The following E2F2 variants were observed in gnomAD, a reference collection of about 807,000 sequenced individuals.
E2F2 encodes transcription factor E2F2.
In E2F2, 22 loss-of-function variants were observed where a neutral mutation model predicts 42.2. That is an observed-to-expected ratio of 0.52 (90% CI 0.37 to 0.74). The LOEUF is 0.74. E2F2 is among the 30% of genes least tolerant of loss of function. The pLI, the probability that E2F2 is intolerant of heterozygous loss-of-function variation, is 0.00. For synonymous variants in E2F2, 248 were observed against 251.6 expected, an observed-to-expected ratio of 0.99 and a Z score of 0.13; for missense variants, 481 against 557.8, an observed-to-expected ratio of 0.86 and a Z score of 1.39.
At position 23,509,853 on chromosome 1, in the gene E2F2, C is replaced by A. The variant is rs897646821; in HGVS notation, c.*27G>T. On this transcript the variant is annotated 3_prime_UTR_variant, in exon 7 of 7. Transcript: ENST00000361729. ...GTCTGTGAGGAGGTAGAGTCGGGGG[C>A]AGGCTGCTGGGGGCAGGCAGGGCCA... The A allele has an allele frequency of 3.3e-6, 5 of 1,519,816 alleles. No homozygotes were observed. The African/African-American group carries it at 5.6e-5, about 17-fold the overall frequency. The allele number at this position is 1,519,816 out of a possible 1,614,324, so 94.1% of individuals were successfully genotyped here. A position where few individuals can be genotyped will look rare whatever the true frequency, so the allele number is the denominator to read the frequency against.
chr1:23,521,262 C>G (rs1462006296), intron 3 of E2F2, among the ~76,000 whole-genome samples, 191 bp from the exon 4 acceptor site: 1 of 152,188 alleles, frequency 6.6e-6, no homozygotes, highest in East Asian at 1.9e-4. Flanking sequence ...AAGTCAAGAC[C>G]TGAACCCCAT....
intron 2 of E2F2, among the ~76,000 whole-genome samples, chr1:23,524,089 C>CAAAAAAAAAAAAA (rs1320072066): frequency 3.4e-5 from 2 of 58,570 alleles, no homozygotes. Flanking sequence ...ACAACAACAA[C>CAAAAAAAAAAAAA]AACAACAACA....
chr1:23,518,043 C>T (rs1312949606), intron 5 of E2F2, among the ~76,000 whole-genome samples: 2 of 152,090 alleles, frequency 1.3e-5, no homozygotes, highest in Non-Finnish European at 2.9e-5. Context: ...TGGTGGCATG[C>T]ACCTGTGGTC....
At chr1:23,518,912 A>G in intron 5 of E2F2, 104 bp downstream of exon 5, 2 of 827,986 alleles carry the variant, frequency 2.4e-6, no homozygotes, top group Non-Finnish European at 3.7e-6. Flanking sequence ...TGGGCCTGCA[A>G]AGCATGGGGC....
In E2F2 at chr1:23,509,004, G is replaced by C. The variant is rs1288504787; in HGVS notation, c.*876C>G. 1 of 152,356 alleles carries C rather than the reference G, an allele frequency of 6.6e-6. No homozygotes were observed. The highest frequency in any genetic ancestry group is 1.5e-5 in the Non-Finnish European group (1 of 68,200). The allele number at this position is 152,356 out of a possible 1,614,324, so 9.4% of individuals were successfully genotyped here. On this transcript the variant is annotated 3_prime_UTR_variant, in exon 7 of 7. Transcript: ENST00000361729. ...CCACAGCCATGACAGCTGCCCCCAT[G>C]CTCCTGTCTGTTTTCCACGGGAGCT...
intron 2 of E2F2, among the ~76,000 whole-genome samples, chr1:23,524,100 ACAAC>A (rs1444108974): frequency 1.5e-4 from 22 of 146,204 alleles, no homozygotes; most frequent in African/African-American, 5.4e-4. Flanking sequence ...AACAACAACA[ACAAC>A]AAAAAAAAAC....
At chr1:23,513,561 C>CGTGTGTGTGTGT (rs1558237706) in intron 6 of E2F2, among the ~76,000 whole-genome samples, 18 of 116,038 alleles carry the variant, frequency 1.6e-4, no homozygotes, top group Admixed American at 4.7e-4. Context: ...CAGCACGGAA[C>CGTGTGTGTGTGT]ATGTGTGTGT....
At chr1:23,524,182 T>A (rs150256929) in intron 2 of E2F2, among the ~76,000 whole-genome samples, 19 of 151,912 alleles carry the variant, frequency 1.3e-4, no homozygotes, top group Non-Finnish European at 2.6e-4. Context: ...TATGGGCAAG[T>A]CACTCAAGCT....
Position 23,510,124 on chromosome 1 carries a change from T to G in E2F2, c.1070A>C (p.Gln357Pro), listed in dbSNP as rs1642881845. 2.5e-6 allele frequency: 4 copies of G among 1,602,198 alleles called. No homozygotes were observed. The highest frequency in any genetic ancestry group is 1.7e-5 in the Admixed American group (1 of 57,970). ...CAGGGATGGAGGCGGTGGGGCCTGC[T>G]GGGGGGTTGGCGCTGGTGCTGGCAC... is the stretch of plus-strand genomic sequence containing the variant. Reference protein sequence around the residue: ...SSVPAPAPTPQQAPPPPSLVP... With the variant: ...SSVPAPAPTPPQAPPPPSLVP... The change falls in exon 7 of 7, where the codon CAG (glutamine) becomes CCG (proline). Residue 357 changes from glutamine to proline, a missense_variant. Gln to Pro is a moderately conservative substitution (Grantham distance 76). Coordinates refer to ENST00000361729, the MANE Select transcript of E2F2 (RefSeq NM_004091.4).
chr1:23,524,114 C>A (rs1305765509), intron 2 of E2F2, among the ~76,000 whole-genome samples: 80 of 135,256 alleles, frequency 5.9e-4, no homozygotes, highest in South Asian at 1.4e-3. Flanking sequence ...CAAAAAAAAA[C>A]ACAGAAGTAA....
chr1:23,526,285 G>A (rs184208446), intron 1 of E2F2, among the ~76,000 whole-genome samples: 12 of 152,092 alleles, frequency 7.9e-5, no homozygotes, highest in African/African-American at 2.7e-4. Flanking sequence ...CCTGAACCAC[G>A]CCCCAACATT....
intron 1 of E2F2, among the ~76,000 whole-genome samples, chr1:23,527,443 C>T (rs989851324): frequency 6.6e-6 from 1 of 152,194 alleles, no homozygotes; most frequent in Non-Finnish European, 1.5e-5. Context: ...CTGGTCAGGA[C>T]GCAAGCCCAC....
In E2F2 at chr1:23,509,923, T is replaced by C. The variant is rs1243101378; in HGVS notation, c.1271A>G (p.Asp424Gly). 6.3e-7 allele frequency: 1 copy of C among 1,594,752 alleles called. No individual in the cohort carries two copies. The highest frequency in any genetic ancestry group is 1.3e-5 in the African/African-American group (1 of 74,400). Residue 424 changes from aspartate to glycine, a missense_variant, in exon 7 of 7, where the codon GAT (aspartate) becomes GGT (glycine). Coordinates refer to ENST00000361729, the MANE Select transcript of E2F2 (RefSeq NM_004091.4). ...CCCAAGGTCGTAGGAGTCGAAGAGA[T>C]CGCTGATGCCCTCACCCGCCTCCAA... ...WGLEAGEGIS[D>G]LFDSYDLGDL...
At chr1:23,523,412 C>T (rs1643190094) in intron 2 of E2F2, among the ~76,000 whole-genome samples, 1 of 152,182 alleles carries the variant, frequency 6.6e-6, no homozygotes, top group Non-Finnish European at 1.5e-5. Flanking sequence ...CCACCTTGGC[C>T]TCCCAAAGTG....
rs1642824177 is a variant in E2F2 at position 23,507,571 on chromosome 1, T to G, written c.*2309A>C. 6.6e-6 allele frequency: 1 copy of G among 152,236 alleles called. No individual in the cohort carries two copies. Among genetic ancestry groups the G allele is most frequent in the Non-Finnish European group, 1.5e-5 (1 of 68,190 alleles). The allele number at this position is 152,236 out of a possible 1,614,324, so 9.4% of individuals were successfully genotyped here. ...AGAAAATACCACTCAAAATGTGTCC[T>G]GAAGCACTCTGTGGAAGTCGGGAGG... On this transcript the variant is annotated 3_prime_UTR_variant, in exon 7 of 7. Coordinates refer to ENST00000361729, the MANE Select transcript of E2F2 (RefSeq NM_004091.4).
In E2F2 at chr1:23,507,180, C is replaced by T. The variant is rs570257858; in HGVS notation, c.*2700G>A. 6 of 152,164 alleles carry T rather than the reference C, an allele frequency of 3.9e-5. No homozygotes were observed. Among genetic ancestry groups the T allele is most frequent in the East Asian group, 1.9e-4 (1 of 5,164 alleles). The allele number at this position is 152,164 out of a possible 1,614,324, so 9.4% of individuals were successfully genotyped here. A position where few individuals can be genotyped will look rare whatever the true frequency, so the allele number is the denominator to read the frequency against. On this transcript the variant is annotated 3_prime_UTR_variant, in exon 7 of 7. Coordinates refer to ENST00000361729, the MANE Select transcript of E2F2 (RefSeq NM_004091.4). ...ATTATTTACCTCAGAAAGACACTGGCTTTTCTCTTACCCTCGTTTTAAAGT... is the reference window on the plus strand; with the variant it reads ...ATTATTTACCTCAGAAAGACACTGGTTTTTCTCTTACCCTCGTTTTAAAGT...
intron 6 of E2F2, among the ~76,000 whole-genome samples, chr1:23,512,618 T>C (rs1642932031): frequency 6.6e-6 from 1 of 152,126 alleles, no homozygotes; most frequent in African/African-American, 2.4e-5. Flanking sequence ...GGATGAGTAT[T>C]AGAAGCAGTA....
rs1456992029 is a variant in E2F2, at chr1:23,516,456, C to T, written c.924G>A (p.Gln308=). 3.7e-6 allele frequency: 6 copies of T among 1,610,164 alleles called. No individual in the cohort carries two copies. Among genetic ancestry groups the T allele is most frequent in the African/African-American group, 1.3e-5 (1 of 74,676 alleles). ...GCTCCTCGGAAGGACTGTCCGGCTC[C>T]TGCACCTCCTCTGGGCACAGGTAGA... is the stretch of plus-strand genomic sequence containing the variant. ...IEVYLCPEEV[Q]EPDSPSEEPL... is the part of the protein sequence containing the mutation. The change falls in exon 6 of 7, where the codon CAG becomes CAA. Residue 308 remains glutamine (Q), a synonymous_variant. Transcript: ENST00000361729.
intron 1 of E2F2, among the ~76,000 whole-genome samples, chr1:23,525,683 C>G (rs1370227269): frequency 6.6e-6 from 1 of 152,204 alleles, no homozygotes; most frequent in Non-Finnish European, 1.5e-5. Context: ...CCCTGGTTAG[C>G]TCCTGCTCCT....
Sources: allele counts gnomAD v4.1 joint callset (sites outside exome capture counted in the v4.1 genomes callset), GRCh38; gene constraint gnomAD v4.1.1; transcripts MANE v1.5; gene names NCBI Gene and HGNC (gene_info 2026-07-23, HGNC 2026-07-21).